Variants in RSBN1L observed in about 807,000 individuals in gnomAD.
The protein encoded by RSBN1L is round spermatid basic protein 1 like, also known as lysine-specific demethylase RSBN1L.
Under a neutral mutation model 67.7 loss-of-function variants are expected in RSBN1L, and 30 were observed. The ratio of observed to expected loss-of-function variants is 0.44; its 90% CI spans 0.33 to 0.60. The LOEUF is 0.60. RSBN1L is among the 20% of genes least tolerant of loss of function. RSBN1L has a pLI of 0.02. For synonymous variants in RSBN1L, 433 were observed against 387.0 expected (o/e 1.12, Z -1.39); for missense variants, 992 against 1,031.7 (o/e 0.96, Z 0.53).
intron 2 of RSBN1L, among the ~76,000 whole-genome samples, chr7:77,739,170 T>A (rs1281626394): frequency 7.2e-5 from 11 of 152,140 alleles, no homozygotes. Flanking sequence ...GCATCTTTTG[T>A]TGTTGGTGAC....
At position 77,780,930 on chromosome 7, in the gene RSBN1L, A is replaced by G. The variant is rs192081214; in HGVS notation, c.*1762A>G. The G allele has an allele frequency of 4.6e-5, 7 of 152,218 alleles. No individual in the cohort carries two copies. The highest frequency in any genetic ancestry group is 1.9e-4 in the East Asian group (1 of 5,182). The allele number at this position is 152,218 out of a possible 1,614,324, so 9.4% of individuals were successfully genotyped here. ...AAGAAACTCTGCTCATTGCAAATCT[A>G]TTTTGTTTGTTTTTGGTATTATTCT... is the stretch of plus-strand genomic sequence containing the variant. On this transcript the variant is annotated 3_prime_UTR_variant, in exon 8 of 8. Coordinates refer to ENST00000334955, the MANE Select transcript of RSBN1L (RefSeq NM_198467.3).
rs1314141430 is a variant in RSBN1L, at chr7:77,779,797, GTTCCT to G, written c.*630_*634del. ...TAATTCAAATCTAGTAAATATTTAA[GTTCCT>G]CACACTGTGCAGGCTTTTTTTTTTT... On this transcript the variant is annotated 3_prime_UTR_variant, in exon 8 of 8. Transcript: ENST00000334955. 3 of 148,052 alleles carry G rather than the reference GTTCCT, an allele frequency of 2.0e-5. No individual in the cohort carries two copies. Among genetic ancestry groups the G allele is most frequent in the Non-Finnish European group, 4.5e-5 (3 of 67,212 alleles). The allele number at this position is 148,052 out of a possible 1,614,324, so 9.2% of individuals were successfully genotyped here. A position where few individuals can be genotyped will look rare whatever the true frequency, so the allele number is the denominator to read the frequency against.
At chr7:77,735,497 A>G (rs1473276003) in intron 1 of RSBN1L, among the ~76,000 whole-genome samples, 1 of 152,178 alleles carries the variant, frequency 6.6e-6, no homozygotes, top group African/African-American at 2.4e-5. Flanking sequence ...TCTAATCACT[A>G]CATGATTAGG....
Position 77,696,500 on chromosome 7 carries a change from G to A in RSBN1L, c.31G>A (p.Val11Ile). The A allele has an allele frequency of 6.2e-7, 1 of 1,613,356 alleles. No individual in the cohort carries two copies. Among genetic ancestry groups the A allele is most frequent in the Non-Finnish European group, 8.5e-7 (1 of 1,179,718 alleles). Residue 11 changes from valine to isoleucine, a missense_variant, in exon 1 of 8, where the codon GTC becomes ATC. Physicochemically the swap from Val to Ile is conservative, Grantham distance 29 (BLOSUM62 3). Around this residue, in one of 7 missense-constraint regions of RSBN1L, gnomAD observed 575 missense variants for 483.2 expected, o/e 1.19. Coordinates refer to ENST00000334955, the MANE Select transcript of RSBN1L (RefSeq NM_198467.3). The stretch of plus-strand genomic sequence containing the variant: ...GGAACCGCCGAGCCCCGTGCACTGT[G>A]TCGCTGCCGCGGCCCCCACCGCCAC... Reference protein sequence around the residue: MAEPPSPVHCVAAAAPTATVS... With the variant: MAEPPSPVHCIAAAAPTATVS...
intron 2 of RSBN1L, among the ~76,000 whole-genome samples, chr7:77,748,933 C>T (rs917309208): frequency 6.6e-6 from 1 of 152,182 alleles, no homozygotes; most frequent in Admixed American, 6.5e-5. Flanking sequence ...TTCTCTCTCT[C>T]TCTCTGTCTC....
chr7:77,700,041 T>C (rs993782581), intron 1 of RSBN1L, among the ~76,000 whole-genome samples: 53 of 152,118 alleles, frequency 3.5e-4, no homozygotes, highest in African/African-American at 1.2e-3. Context: ...GTGATCTGCC[T>C]GCCTTGGCCT....
Position 77,722,968 on chromosome 7 carries a change from C to CTTT in RSBN1L, c.587-13427_587-13425dup, listed in dbSNP as rs71531006. Reference sequence around the variant, plus strand: ...AAATTCTAACATTTCTTTCTCTCTTCTTTTTTTTTTTTTTTTTGAGACAGA... The same window carrying CTTT: ...AAATTCTAACATTTCTTTCTCTCTTCTTTTTTTTTTTTTTTTTTTTGAGACAGA... On this transcript the variant is annotated intron_variant, in intron 1 of 7. Transcript: ENST00000334955. 3.1e-3 allele frequency among the ~76,000 whole-genome samples: 406 copies of CTTT among 132,316 alleles called. 5 individuals carry two copies. Among genetic ancestry groups the CTTT allele is most frequent in the Non-Finnish European group, 4.6e-3 (288 of 63,182 alleles). 86.8% of individuals were successfully genotyped at this position (132,316 alleles called of 152,430 possible).
intron 6 of RSBN1L, among the ~76,000 whole-genome samples, chr7:77,773,778 CAAAT>C (rs1193374110): frequency 2.0e-5 from 3 of 152,052 alleles, no homozygotes; most frequent in Admixed American, 1.3e-4. Context: ...AAAACAAAAA[CAAAT>C]AAATTGCTAA....
intron 5 of RSBN1L, among the ~76,000 whole-genome samples, chr7:77,771,798 C>T (rs939768791): frequency 3.3e-5 from 5 of 151,680 alleles, no homozygotes; most frequent in Middle Eastern, 3.4e-3. Context: ...GCGTGAGCCA[C>T]TGTGCCCGGC....
At chr7:77,747,272 G>T (rs1460601678) in intron 2 of RSBN1L, among the ~76,000 whole-genome samples, 2 of 152,214 alleles carry the variant, frequency 1.3e-5, no homozygotes, top group Non-Finnish European at 1.5e-5. Context: ...GTAAATAACT[G>T]CAGAAATTTG....
intron 3 of RSBN1L, among the ~76,000 whole-genome samples, chr7:77,757,467 G>A (rs1791634975): frequency 6.6e-6 from 1 of 152,194 alleles, no homozygotes; most frequent in African/African-American, 2.4e-5. Context: ...GTCCGTTTGA[G>A]GATAGAAACA....
In RSBN1L at chr7:77,778,347, A is replaced by G. The variant is rs368149631; in HGVS notation, c.1803A>G (p.Gln601=). 341 of 1,607,026 alleles carry G rather than the reference A, an allele frequency of 2.1e-4. No homozygotes were observed. Among genetic ancestry groups the G allele is most frequent in the Non-Finnish European group, 2.8e-4 (331 of 1,177,334 alleles). Residue 601 remains glutamine (Q), a synonymous_variant, in exon 7 of 8, where the codon CAA becomes CAG. Coordinates refer to ENST00000334955, the MANE Select transcript of RSBN1L (RefSeq NM_198467.3). The stretch of plus-strand genomic sequence containing the variant: ...TCGTTTTCTTTTTTAGGCCTGATCA[A>G]CCCCGTATAACCAAAGATGTAATTT... The part of the protein sequence containing the change: ...KAVHCGEWPD[Q]PRITKDVICF...
intron 1 of RSBN1L, among the ~76,000 whole-genome samples, chr7:77,704,745 AGGTGGGTGGATCACCTGG>A (rs1790864973): frequency 6.6e-6 from 1 of 152,126 alleles, no homozygotes; most frequent in Non-Finnish European, 1.5e-5. Flanking sequence ...TGGGAGGCTG[AGGTGGGTGGATCACCTGG>A]GGTCAAGGAG....
chr7:77,709,194 G>A (rs13238372), intron 1 of RSBN1L, among the ~76,000 whole-genome samples: 13,520 of 93,806 alleles, frequency 0.14, 640 homozygotes, highest in African/African-American at 0.24. Flanking sequence ...GTGTGTGTGT[G>A]TGTATGTATG....
rs1186867968 is a variant in RSBN1L at position 77,696,939 on chromosome 7, C to T, written c.470C>T (p.Ser157Leu). 3 of 1,598,348 alleles carry T rather than the reference C, an allele frequency of 1.9e-6. No homozygotes were observed. Among genetic ancestry groups the T allele is most frequent in the African/African-American group, 2.7e-5 (2 of 74,800 alleles). Residue 157 changes from serine to leucine, a missense_variant, in exon 1 of 8, where the codon TCG (serine) becomes TTG (leucine). Ser to Leu is a moderately radical substitution (Grantham distance 145). Coordinates refer to ENST00000334955, the MANE Select transcript of RSBN1L (RefSeq NM_198467.3). Reference sequence around the variant, plus strand: ...GCCGCTGCCTCGGCTAACGCCAAGTCGCGCAGACCTAAGGAGAAGCGGGAG... The same window carrying T: ...GCCGCTGCCTCGGCTAACGCCAAGTTGCGCAGACCTAAGGAGAAGCGGGAG... ...AAAAASANAK[S>L]RRPKEKREKE...
chr7:77,735,030 C>T (rs546234555), intron 1 of RSBN1L, among the ~76,000 whole-genome samples: 10 of 149,170 alleles, frequency 6.7e-5, no homozygotes, highest in Admixed American at 4.0e-4. Flanking sequence ...GCTGTACTTT[C>T]GTATGCTTGG....
intron 4 of RSBN1L, among the ~76,000 whole-genome samples, chr7:77,766,932 A>G (rs1296001875): frequency 6.6e-6 from 1 of 152,182 alleles, no homozygotes; most frequent in Admixed American, 6.5e-5. Context: ...ATATTTAAAA[A>G]TTACCAAATA....
At chr7:77,764,299 G>A (rs1289133054) in intron 3 of RSBN1L, among the ~76,000 whole-genome samples, 1 of 152,190 alleles carries the variant, frequency 6.6e-6, no homozygotes, top group Non-Finnish European at 1.5e-5. Context: ...TGTTTCGCTT[G>A]AAGACAGACT....
chr7:77,769,749 A>AT (rs564760511), intron 5 of RSBN1L, among the ~76,000 whole-genome samples: 60 of 152,344 alleles, frequency 3.9e-4, no homozygotes, highest in Non-Finnish European at 7.2e-4. Flanking sequence ...AGTTAAGTTT[A>AT]TTTTAAAAGA....
Sources: allele counts gnomAD v4.1 joint callset (sites outside exome capture counted in the v4.1 genomes callset), GRCh38; gene constraint gnomAD v4.1.1; regional missense constraint gnomAD v4.1.1; transcripts MANE v1.5; gene names NCBI Gene and HGNC (gene_info 2026-07-23, HGNC 2026-07-21).